The following COL11A1 variants were observed in gnomAD, a reference collection of about 807,000 sequenced individuals.
COL11A1 encodes the protein collagen alpha-1(XI) chain.
Under a neutral mutation model 265.2 loss-of-function variants are expected in COL11A1, and 74 were observed. The observed-to-expected ratio is 0.28, with a 90% CI of 0.23 to 0.34. The LOEUF (loss-of-function observed/expected upper bound fraction) is 0.34. Among genes scored for constraint, COL11A1 ranks in the 10% least tolerant of loss-of-function variants. COL11A1 has a pLI of 1.00. For missense variants in COL11A1, 2,165 were observed against 2,263.6 expected (o/e 0.96, Z 0.88); for synonymous variants, 816 against 727.6 (o/e 1.12, Z -1.96).
intron 59 of COL11A1, 72 bp downstream of exon 59, chr1:102,889,383 C>CCGTGTGTGTG: frequency 1.3e-6 from 1 of 798,976 alleles, no homozygotes. Flanking sequence ...ACTTAAAGGA[C>CCGTGTGTGTG]TGTGTGTGTG....
intron 49 of COL11A1, among the ~76,000 whole-genome samples, chr1:102,917,924 G>T (rs900747646): frequency 6.6e-6 from 1 of 151,498 alleles, no homozygotes; most frequent in South Asian, 2.1e-4. Context: ...CTACCATTTA[G>T]TATGTTAGAT....
intron 38 of COL11A1, 116 bp from the exon 39 acceptor site, chr1:102,962,876 A>C: frequency 4.2e-4 from 372 of 892,152 alleles, no homozygotes; most frequent in Non-Finnish European, 6.0e-4. Context: ...ACTTATTCTC[A>C]TGATGTCCTA....
chr1:103,017,878 A>G lies in COL11A1; in HGVS notation c.1355T>C (p.Ile452Thr). 2 of 1,612,560 alleles carry G rather than the reference A, an allele frequency of 1.2e-6. No individual in the cohort carries two copies. The highest frequency in any genetic ancestry group is 1.7e-6 in the Non-Finnish European group (2 of 1,178,674). ...GPPGPAGPAG[I>T]MGPPGLQGPT... Reference sequence around the variant, plus strand: ...GCCTTGTAGACCTGGAGGACCCATAATACCCTATAGAGAAACACACCATAT... The same window carrying G: ...GCCTTGTAGACCTGGAGGACCCATAGTACCCTATAGAGAAACACACCATAT... Residue 452 changes from isoleucine (I) to threonine (T), a missense_variant, in exon 11 of 67, where the codon ATT becomes ACT. Coordinates refer to ENST00000370096, the MANE Select transcript of COL11A1 (RefSeq NM_001854.4).
intron 1 of COL11A1, among the ~76,000 whole-genome samples, chr1:103,098,691 T>C (rs190492026): frequency 3.3e-4 from 50 of 151,916 alleles, no homozygotes; most frequent in Admixed American, 2.6e-3. Context: ...CAAAAATATT[T>C]TGAGATAAGT....
chr1:102,897,727 G>T (rs868847653), intron 57 of COL11A1, among the ~76,000 whole-genome samples: 40 of 152,046 alleles, frequency 2.6e-4, no homozygotes, highest in African/African-American at 8.2e-4. Context: ...TATGACTCAC[G>T]AAGAGAACAA....
chr1:103,002,680 C>G (rs1570997947), intron 22 of COL11A1, 67 bp downstream of exon 22: 7 of 1,378,996 alleles, frequency 5.1e-6, no homozygotes, highest in Non-Finnish European at 7.2e-6. Context: ...TTAGATTTAA[C>G]AACAAAAAAT....
At chr1:102,990,738 A>G (rs955652609) in intron 28 of COL11A1, among the ~76,000 whole-genome samples, 1 of 152,116 alleles carries the variant, frequency 6.6e-6, no homozygotes, top group South Asian at 2.1e-4. Context: ...TTTACCAGTA[A>G]AATCTAAAAG....
chr1:103,072,462 T>A (rs1364439380), intron 4 of COL11A1, among the ~76,000 whole-genome samples: 1 of 151,866 alleles, frequency 6.6e-6, no homozygotes, highest in East Asian at 1.9e-4. Flanking sequence ...TATAAAACAC[T>A]AACATAATAT....
intron 46 of COL11A1, among the ~76,000 whole-genome samples, chr1:102,933,500 T>C (rs1396355445): frequency 6.6e-6 from 1 of 152,014 alleles, no homozygotes; most frequent in Non-Finnish European, 1.5e-5. Context: ...TTAAAAGCTT[T>C]CAGACAGGGA....
chr1:102,898,747 A>T lies in COL11A1; in HGVS notation c.4167T>A (p.Pro1389=), dbSNP rs754697310. ...GAGGACCGACTGGGCCGGTTTTTCC[A>T]GGAGGACCTTCTGCACCTGCTTCCC... The part of the protein sequence containing the change: ...AKGEAGAEGP[P]GKTGPVGPQG... Residue 1389 remains proline, a synonymous_variant, in exon 56 of 67, where the codon CCT becomes CCA. Coordinates refer to ENST00000370096, the MANE Select transcript of COL11A1 (RefSeq NM_001854.4). 1 of 1,613,234 alleles carries T rather than the reference A, an allele frequency of 6.2e-7. No homozygotes were observed. The highest frequency in any genetic ancestry group is 1.1e-5 in the South Asian group (1 of 91,052).
In COL11A1 at chr1:103,082,797, G is replaced by T; in HGVS notation, c.274+8C>A. 2 of 1,608,564 alleles carry T rather than the reference G, an allele frequency of 1.2e-6. No homozygotes were observed. The highest frequency in any genetic ancestry group is 1.1e-5 in the South Asian group (1 of 90,668). On this transcript the variant is annotated splice_region_variant and intron_variant, in intron 2 of 66. Transcript: ENST00000370096. ...ATAATAACAATAATAATAATAAAGT[G>T]AATATACCTGGAAATAACTGTTTTG...
chr1:103,006,580 T>C (rs1027916089), intron 15 of COL11A1, among the ~76,000 whole-genome samples: 10 of 129,086 alleles, frequency 7.7e-5, no homozygotes, highest in Non-Finnish European at 1.4e-4. Context: ...CTCTGTCGCC[T>C]AGGCTGGAGC....
chr1:102,959,805 T>G (rs1384426171), intron 41 of COL11A1, among the ~76,000 whole-genome samples: 3 of 152,174 alleles, frequency 2.0e-5, no homozygotes, highest in Non-Finnish European at 2.9e-5. Flanking sequence ...ACAAATACAC[T>G]GGTTTCAACT....
chr1:103,026,025 G>A, intron 6 of COL11A1, 191 bp downstream of exon 6: 1 of 1,484,224 alleles, frequency 6.7e-7, no homozygotes, highest in Non-Finnish European at 9.4e-7. Context: ...ACAGATGAAA[G>A]GAAGGCTAAG....
At chr1:103,058,561 A>G (rs1160670894) in intron 4 of COL11A1, among the ~76,000 whole-genome samples, 1 of 152,128 alleles carries the variant, frequency 6.6e-6, no homozygotes, top group East Asian at 1.9e-4. Flanking sequence ...CTAGCTTTTG[A>G]TCTCAAGTGA....
chr1:103,038,680 A>T (rs1242483813), intron 4 of COL11A1, among the ~76,000 whole-genome samples: 2 of 152,294 alleles, frequency 1.3e-5, no homozygotes, highest in East Asian at 3.9e-4. Context: ...AATGAAATAG[A>T]TTGATCAATG....
chr1:103,096,779 C>G (rs967061702), intron 1 of COL11A1, among the ~76,000 whole-genome samples: 2 of 151,874 alleles, frequency 1.3e-5, no homozygotes, highest in African/African-American at 4.8e-5. Context: ...ATCATGACCT[C>G]ATATATTAAT....
Position 102,883,181 on chromosome 1 carries a change from A to G in COL11A1, c.4971+18T>C. ...CAGGAACTGTCAACATTCACCACCA[A>G]AACAGATTGGTACTTACTCCCTCAG... On this transcript the variant is annotated intron_variant, in intron 64 of 66. Transcript: ENST00000370096. 1.3e-6 allele frequency: 2 copies of G among 1,539,318 alleles called. No homozygotes were observed. The highest frequency in any genetic ancestry group is 1.8e-6 in the Non-Finnish European group (2 of 1,112,112).
intron 1 of COL11A1, among the ~76,000 whole-genome samples, chr1:103,106,162 G>T (rs1033517760): frequency 1.3e-5 from 2 of 152,104 alleles, no homozygotes; most frequent in Non-Finnish European, 2.9e-5. Flanking sequence ...GAAAAGTACA[G>T]AAATTTGATA....
Sources: gnomAD v4.1 joint callset for allele counts (sites outside exome capture counted in the v4.1 genomes callset) on GRCh38, gnomAD v4.1.1 for gene constraint, MANE v1.5 for transcripts, NCBI Gene and HGNC (gene_info 2026-07-23, HGNC 2026-07-21) for gene names.